Variants in SLC8A1 observed in about 807,000 individuals in gnomAD.
The protein encoded by SLC8A1 is sodium/calcium exchanger 1.
In SLC8A1, 18 loss-of-function variants were observed where a neutral mutation model predicts 68.3. That is an observed-to-expected ratio of 0.26 (90% confidence interval 0.18 to 0.39). The LOEUF (loss-of-function observed/expected upper bound fraction) is 0.39. Among genes scored for constraint, SLC8A1 ranks in the 10% least tolerant of loss-of-function variants. The pLI, the probability that SLC8A1 is intolerant of heterozygous loss-of-function variation, is 1.00. For synonymous variants in SLC8A1, 475 were observed against 415.5 expected, an observed-to-expected ratio of 1.14 and a Z score of -1.74; for missense variants, 985 against 1,156.7, an observed-to-expected ratio of 0.85 and a Z score of 2.15.
At chr2:40,308,508 A>G (rs969926233) in intron 2 of SLC8A1, among the ~76,000 whole-genome samples, 36 of 152,190 alleles carry the variant, frequency 2.4e-4, no homozygotes, top group African/African-American at 8.7e-4. Context: ...TCTGCTAGGC[A>G]GTAAATGACA....
chr2:40,247,679 C>T (rs996690742), intron 2 of SLC8A1, among the ~76,000 whole-genome samples: 3 of 152,128 alleles, frequency 2.0e-5, no homozygotes, highest in African/African-American at 7.2e-5. Context: ...AATACATTAA[C>T]AGTAACTGCT....
At chr2:40,418,407 C>T (rs1576330209) in intron 2 of SLC8A1, among the ~76,000 whole-genome samples, 2 of 152,128 alleles carry the variant, frequency 1.3e-5, no homozygotes, top group Admixed American at 1.3e-4. Flanking sequence ...TACAACAGCT[C>T]AGAAAGACTC....
At chr2:40,152,012 A>C (rs1461751056) in intron 6 of SLC8A1, among the ~76,000 whole-genome samples, 1 of 152,250 alleles carries the variant, frequency 6.6e-6, no homozygotes, top group Non-Finnish European at 1.5e-5. Context: ...AATTCACTTA[A>C]TGTGACCATT....
chr2:40,355,549 T>C (rs1485282022), intron 2 of SLC8A1, among the ~76,000 whole-genome samples: 3 of 152,070 alleles, frequency 2.0e-5, no homozygotes, highest in Non-Finnish European at 4.4e-5. Flanking sequence ...TAAAATATAA[T>C]AGAGACCTTG....
intron 2 of SLC8A1, among the ~76,000 whole-genome samples, chr2:40,194,494 TGTGTGTGTGTGTGCGCGC>T (rs998503505): frequency 3.4e-5 from 5 of 145,908 alleles, no homozygotes; most frequent in African/African-American, 1.1e-4. Flanking sequence ...TGTGTGTGTG[TGTGTGTGTGTGTGCGCGC>T]GCAAAGAAAA....
chr2:40,238,852 A>G (rs1396095938), intron 2 of SLC8A1, among the ~76,000 whole-genome samples: 1 of 152,200 alleles, frequency 6.6e-6, no homozygotes, highest in African/African-American at 2.4e-5. Context: ...CCTGAAAGTA[A>G]CAATGTAGGT....
intron 2 of SLC8A1, among the ~76,000 whole-genome samples, chr2:40,223,078 T>C (rs990616611): frequency 2.0e-5 from 3 of 152,206 alleles, no homozygotes; most frequent in East Asian, 1.9e-4. Flanking sequence ...TGTATGTTTA[T>C]TGCAGCAGTA....
chr2:40,323,175 T>C (rs566701471), intron 2 of SLC8A1, among the ~76,000 whole-genome samples: 39 of 152,266 alleles, frequency 2.6e-4, no homozygotes, highest in African/African-American at 8.9e-4. Context: ...GTCTTTATCA[T>C]AGAAAAATTA....
At chr2:40,196,520 G>C (rs552071058) in intron 2 of SLC8A1, among the ~76,000 whole-genome samples, 1 of 151,874 alleles carries the variant, frequency 6.6e-6, no homozygotes, top group Admixed American at 6.6e-5. Context: ...ATTCCTTGTC[G>C]TTATCATCAA....
rs1460989619 is a variant in SLC8A1, at chr2:40,237,867, G to T, written c.1809-60012C>A. On this transcript the variant is annotated intron_variant, in intron 2 of 7. Transcript: ENST00000406785. ...AGGTCTGTTGGAATACCCTGCCATG[G>T]GAGGTGTCAGTGTGCCCCTGCTGGG... is the stretch of plus-strand genomic sequence containing the variant. Among the ~76,000 whole-genome samples the T allele has an allele frequency of 3.9e-4, 60 of 152,110 alleles. No homozygotes were observed. In the East Asian group the frequency reaches 4.9e-3, roughly 12 times the overall value.
chr2:40,333,183 A>G (rs2076595040), intron 2 of SLC8A1, among the ~76,000 whole-genome samples: 1 of 152,250 alleles, frequency 6.6e-6, no homozygotes, highest in South Asian at 2.1e-4. Context: ...TCACGCCTAT[A>G]ATCCCAGCAC....
chr2:40,418,457 G>A (rs1363184156), intron 2 of SLC8A1, among the ~76,000 whole-genome samples: 2 of 152,030 alleles, frequency 1.3e-5, no homozygotes, highest in South Asian at 4.1e-4. Context: ...AATCCGTCTG[G>A]CCTACTTCAA....
intron 2 of SLC8A1, among the ~76,000 whole-genome samples, chr2:40,376,384 T>C (rs1241420876): frequency 6.6e-6 from 1 of 152,214 alleles, no homozygotes; most frequent in African/African-American, 2.4e-5. Context: ...AATTTCACTA[T>C]CAAACGTTCT....
intron 7 of SLC8A1, among the ~76,000 whole-genome samples, chr2:40,135,073 G>A (rs1298808911): frequency 6.6e-6 from 1 of 152,142 alleles, no homozygotes; most frequent in Admixed American, 6.5e-5. Flanking sequence ...GCAATCCAAA[G>A]AAAGGAATGA....
intron 2 of SLC8A1, among the ~76,000 whole-genome samples, chr2:40,413,029 TCA>T (rs1692670094): frequency 6.6e-6 from 1 of 152,156 alleles, no homozygotes; most frequent in South Asian, 2.1e-4. Flanking sequence ...ATCAGGTATA[TCA>T]CCTAATGCTA....
chr2:40,102,709 C>T (rs2033971190), exon 8 of SLC8A1: 1 of 152,124 alleles, frequency 6.6e-6, no homozygotes, highest in Non-Finnish European at 1.5e-5. Flanking sequence ...ACCAAGATTG[C>T]TTAAGGCAGA....
At chr2:40,246,718 T>G (rs2061918037) in intron 2 of SLC8A1, among the ~76,000 whole-genome samples, 1 of 152,244 alleles carries the variant, frequency 6.6e-6, no homozygotes, top group South Asian at 2.1e-4. Flanking sequence ...TGCTTTGATA[T>G]GCTTTCAGAC....
In SLC8A1 at chr2:40,218,495, C is replaced by T. The variant is rs111876241; in HGVS notation, c.1809-40640G>A. ...TTACAATTACTTTTTAACATTTTGC[C>T]GCTACTTTTACTATTTTGCCATTAC... is the stretch of plus-strand genomic sequence containing the variant. On this transcript the variant is annotated intron_variant, in intron 2 of 7. Transcript: ENST00000406785. Among the ~76,000 whole-genome samples the T allele has an allele frequency of 5.9e-5, 9 of 152,054 alleles. No homozygotes were observed. In the East Asian group the frequency reaches 1.2e-3, roughly 20 times the overall value.
intron 2 of SLC8A1, among the ~76,000 whole-genome samples, chr2:40,347,116 T>C (rs976094163): frequency 2.0e-5 from 3 of 152,192 alleles, no homozygotes; most frequent in African/African-American, 7.2e-5. Flanking sequence ...GGTTCAAATT[T>C]TGGCTTTGCT....
Sources: allele counts gnomAD v4.1 joint callset (sites outside exome capture counted in the v4.1 genomes callset), GRCh38; gene constraint gnomAD v4.1.1; transcripts MANE v1.5; gene names NCBI Gene and HGNC (gene_info 2026-07-23, HGNC 2026-07-21).